RXRA: variants seen among roughly 807,000 people sequenced by gnomAD.
RXRA encodes the protein retinoic acid receptor RXR-alpha.
RXRA carries 5 observed loss-of-function variants against 44.5 expected under a neutral mutation model. The ratio of observed to expected loss-of-function variants is 0.11; its 90% confidence interval spans 0.06 to 0.24. RXRA has a LOEUF of 0.24. Ranked by LOEUF, RXRA falls within the 10% of genes least tolerant of loss-of-function variation. The probability of loss-of-function intolerance (pLI) is 1.00; values close to 1 mark genes in which losing one functional copy is unlikely to be tolerated. For synonymous variants in RXRA, 291 were observed against 271.4 expected, an observed-to-expected ratio of 1.07 and a Z score of -0.71; for missense variants, 412 against 646.5, an observed-to-expected ratio of 0.64 and a Z score of 3.93.
chr9:134,399,890 G>GCACCTTCCTC (rs1303758045), intron 1 of RXRA, among the ~76,000 whole-genome samples: 3 of 152,202 alleles, frequency 2.0e-5, no homozygotes, highest in Non-Finnish European at 4.4e-5. Flanking sequence ...CCTCCTTTCT[G>GCACCTTCCTC]CACCTTCCTC....
chr9:134,411,864 G>T (rs1013565648), intron 4 of RXRA, among the ~76,000 whole-genome samples: 3 of 152,190 alleles, frequency 2.0e-5, no homozygotes, highest in African/African-American at 7.2e-5. Flanking sequence ...CCCCAGCCTG[G>T]CTGTGTGGGC....
Position 134,426,885 on chromosome 9 carries a change from C to T in RXRA, c.911-2223C>T, listed in dbSNP as rs1831442686. ...CTTGGCCACAGGAAGTCTGTCCACA[C>T]TGGGCCTGGTGTGGGAAGGGAGGGA... On this transcript the variant is annotated intron_variant, in intron 6 of 9. Transcript: ENST00000481739. The surrounding 1 kb of genome is among the most constrained non-coding windows in gnomAD (Gnocchi z 4.6). 2 of 985,274 alleles carry T rather than the reference C, an allele frequency of 2.0e-6. No homozygotes were observed. The highest frequency in any genetic ancestry group is 4.7e-5 in the South Asian group (1 of 21,294). The allele number at this position is 985,274 out of a possible 1,614,324, so 61.0% of individuals were successfully genotyped here. A position where few individuals can be genotyped will look rare whatever the true frequency, so the allele number is the denominator to read the frequency against.
chr9:134,347,365 C>T (rs991261009), intron 1 of RXRA, among the ~76,000 whole-genome samples: 5 of 152,342 alleles, frequency 3.3e-5, no homozygotes, highest in Middle Eastern at 3.4e-3. Context: ...TGCGGGTGCT[C>T]GTGGTCAGCC....
At chr9:134,413,221 G>T (rs998553508) in intron 4 of RXRA, among the ~76,000 whole-genome samples, 39 of 152,274 alleles carry the variant, frequency 2.6e-4, no homozygotes, top group Admixed American at 2.2e-3. Flanking sequence ...TGCTGTGCGT[G>T]GCTGGTGGTG....
At chr9:134,326,946 C>T (rs1454264792) in intron 1 of RXRA, among the ~76,000 whole-genome samples, 1 of 150,576 alleles carries the variant, frequency 6.6e-6, no homozygotes. Flanking sequence ...CACCGGCGGC[C>T]GCCTGCGCCC....
chr9:134,406,958 G>A (rs563270055), intron 2 of RXRA, among the ~76,000 whole-genome samples: 1 of 152,348 alleles, frequency 6.6e-6, no homozygotes, highest in East Asian at 1.9e-4. Flanking sequence ...GAGTCACACA[G>A]TGGCCACCCG....
intron 1 of RXRA, among the ~76,000 whole-genome samples, chr9:134,363,331 C>G (rs1478763226): frequency 2.0e-5 from 3 of 152,258 alleles, no homozygotes; most frequent in African/African-American, 7.2e-5. Context: ...CTCAGGGAGC[C>G]TGGCGGTGGG....
intron 8 of RXRA, among the ~76,000 whole-genome samples, 199 bp downstream of exon 8, chr9:134,432,195 A>G (rs1260788682): frequency 6.6e-6 from 1 of 151,776 alleles, no homozygotes; most frequent in Non-Finnish European, 1.5e-5. Flanking sequence ...CCAAGGGGGC[A>G]TGGTCCCTGG....
rs1257245519 is a variant in RXRA at position 134,436,673 on chromosome 9, G to C, written c.*59G>C. ...TGGCCACCCTGCCTGGACGCCAGCT[G>C]TTCTTCTCAGCCTGAGCCCTGTCCC... On this transcript the variant is annotated 3_prime_UTR_variant, in exon 10 of 10. Coordinates refer to ENST00000481739, the MANE Select transcript of RXRA (RefSeq NM_002957.6). 15 of 1,599,520 alleles carry C rather than the reference G, an allele frequency of 9.4e-6. No individual in the cohort carries two copies. The African/African-American group carries it at 1.5e-4, about 16-fold the overall frequency.
At position 134,366,750 on chromosome 9, in the gene RXRA, G is replaced by A. The variant is rs569275395; in HGVS notation, c.29-34882G>A. Among the ~76,000 whole-genome samples the A allele has an allele frequency of 1.3e-5, 2 of 152,290 alleles. No homozygotes were observed. The highest frequency in any genetic ancestry group is 1.9e-4 in the East Asian group (1 of 5,174). On this transcript the variant is annotated intron_variant, in intron 1 of 9. Coordinates refer to ENST00000481739, the MANE Select transcript of RXRA (RefSeq NM_002957.6). The surrounding 1 kb of genome is among the most constrained non-coding windows in gnomAD (Gnocchi z 5.9). Reference sequence around the variant, plus strand: ...GTCAGAAAAGCCATAGACTCTCCACGGAAAAGGAAGCCTGGCACCCCCCAT... The same window carrying A: ...GTCAGAAAAGCCATAGACTCTCCACAGAAAAGGAAGCCTGGCACCCCCCAT...
intron 1 of RXRA, among the ~76,000 whole-genome samples, chr9:134,368,955 C>CG (rs1830452007): frequency 1.7e-5 from 1 of 59,944 alleles, no homozygotes; most frequent in Non-Finnish European, 3.0e-5. Context: ...TGTGTGAGTG[C>CG]GGGGGTTGTG....
At chr9:134,422,413 C>A in intron 6 of RXRA, 1 of 1,279,238 alleles carries the variant, frequency 7.8e-7, no homozygotes, top group Non-Finnish European at 1.0e-6. Context: ...CCGTGACATT[C>A]CACTCTCCCT....
chr9:134,364,988 A>G (rs1289182814), intron 1 of RXRA, among the ~76,000 whole-genome samples: 2 of 152,148 alleles, frequency 1.3e-5, no homozygotes, highest in Non-Finnish European at 2.9e-5. Context: ...CTTACTTATG[A>G]GGAGGCTGAT....
At position 134,417,127 on chromosome 9, in the gene RXRA, G is replaced by C; in HGVS notation, c.611-31G>C. ...CTGGGAGCCACTGGCCGGGCTGAGCGTGGGGCTCACCTGCGCCTCCCGGGT... is the reference window on the plus strand; with the variant it reads ...CTGGGAGCCACTGGCCGGGCTGAGCCTGGGGCTCACCTGCGCCTCCCGGGT... On this transcript the variant is annotated intron_variant, in intron 4 of 9. Transcript: ENST00000481739. This position sits in a 1 kb window ranked among gnomAD's most constrained non-coding sequence, Gnocchi z 6.1. 4 of 1,595,794 alleles carry C rather than the reference G, an allele frequency of 2.5e-6. No homozygotes were observed. Among genetic ancestry groups the C allele is most frequent in the Non-Finnish European group, 3.4e-6 (4 of 1,172,814 alleles).
At chr9:134,414,501 C>T (rs1001739707) in intron 4 of RXRA, among the ~76,000 whole-genome samples, 1 of 152,260 alleles carries the variant, frequency 6.6e-6, no homozygotes, top group Non-Finnish European at 1.5e-5. Flanking sequence ...GGAGCCGAGG[C>T]ACAGAGAGGT....
chr9:134,401,393 C>T, intron 1 of RXRA: 1 of 606,194 alleles, frequency 1.6e-6, no homozygotes, highest in East Asian at 3.0e-5. Context: ...GCGTCTGCCG[C>T]AGGCCCAGCC....
chr9:134,424,855 G>C (rs1273972257), intron 6 of RXRA: 1 of 985,346 alleles, frequency 1.0e-6, no homozygotes, highest in African/African-American at 1.7e-5. Flanking sequence ...ATCCTGCTGG[G>C]TTTTCTTCTG....
rs1188265142 is a variant in RXRA at position 134,369,144 on chromosome 9, ATGTG to A, written c.29-32481_29-32478del. Among the ~76,000 whole-genome samples the A allele has an allele frequency of 1.1e-4, 3 of 26,096 alleles. No individual in the cohort carries two copies. In the East Asian group the frequency reaches 3.6e-3, roughly 32 times the overall value. 17.1% of individuals were successfully genotyped at this position (26,096 alleles called of 152,430 possible). ...GAGTGCAGGGGTTGTGTGTGGGGTT[ATGTG>A]TGTGTGAGTGCGGGGCTTGTGTGTG... On this transcript the variant is annotated intron_variant, in intron 1 of 9. Transcript: ENST00000481739.
intron 1 of RXRA, among the ~76,000 whole-genome samples, chr9:134,360,899 G>A (rs1248700922): frequency 6.6e-6 from 1 of 152,244 alleles, no homozygotes; most frequent in African/African-American, 2.4e-5. Context: ...CAGGGGCTCT[G>A]AGCCCGATGC....
Sources: allele counts gnomAD v4.1 joint callset (sites outside exome capture counted in the v4.1 genomes callset), GRCh38; gene constraint gnomAD v4.1.1; non-coding constraint Gnocchi (gnomAD v3.1); transcripts MANE v1.5; gene names NCBI Gene and HGNC (gene_info 2026-07-23, HGNC 2026-07-21).